Variants in SVEP1 observed in about 807,000 individuals in gnomAD.
SVEP1 encodes sushi, von Willebrand factor type A, EGF and pentraxin domain-containing protein 1.
SVEP1 carries 164 observed loss-of-function variants against 367.3 expected under a neutral mutation model. That is an observed-to-expected ratio of 0.45 (90% CI 0.39 to 0.51). The LOEUF (loss-of-function observed/expected upper bound fraction) is 0.51. Ranked by LOEUF, SVEP1 falls within the 20% of genes least tolerant of loss-of-function variation. The probability of loss-of-function intolerance (pLI) is 0.00; values close to 1 mark genes in which losing one functional copy is unlikely to be tolerated. For synonymous variants in SVEP1, 1,666 were observed against 1,611.6 expected, an observed-to-expected ratio of 1.03 and a Z score of -0.81; for missense variants, 4,117 against 4,425.3, an observed-to-expected ratio of 0.93 and a Z score of 1.98.
Position 110,408,283 on chromosome 9 carries a change from T to G in SVEP1, c.7317A>C (p.Glu2439Asp). 6.2e-7 allele frequency: 1 copy of G among 1,614,014 alleles called. No individual in the cohort carries two copies. The highest frequency in any genetic ancestry group is 8.5e-7 in the Non-Finnish European group (1 of 1,179,892). Residue 2439 changes from glutamate to aspartate, a missense_variant, in exon 38 of 48, where the codon GAA becomes GAC. Glu to Asp is a conservative substitution (Grantham distance 45, BLOSUM62 2). Transcript: ENST00000374469. ...TGGGGATTTCCTCAGGTTGGGGACATTCTACTGGAACACATTCTGGCAGTG... is the reference window on the plus strand; with the variant it reads ...TGGGGATTTCCTCAGGTTGGGGACAGTCTACTGGAACACATTCTGGCAGTG... ...SSPLPECVPVECPQPEEIPNG... is the reference protein window; with the variant it reads ...SSPLPECVPVDCPQPEEIPNG...
chr9:110,470,307 T>C (rs1828996341), intron 16 of SVEP1, among the ~76,000 whole-genome samples: 1 of 152,150 alleles, frequency 6.6e-6, no homozygotes. Flanking sequence ...ATGTACTTCA[T>C]GCCATTGAAT....
chr9:110,521,554 G>A (rs10980425), intron 3 of SVEP1, among the ~76,000 whole-genome samples: 2,408 of 152,176 alleles, frequency 0.016, 25 homozygotes, highest in Non-Finnish European at 0.025. Flanking sequence ...TTATATGTTG[G>A]GGATCAATAT....
At chr9:110,384,440 A>C (rs1472984263) in intron 43 of SVEP1, among the ~76,000 whole-genome samples, 13 of 110,380 alleles carry the variant, frequency 1.2e-4, no homozygotes, top group African/African-American at 2.1e-4. Context: ...TCTCGGTGGG[A>C]GGCTCCGGCC....
chr9:110,414,094 G>A (rs1012069948), intron 36 of SVEP1, among the ~76,000 whole-genome samples: 5 of 152,004 alleles, frequency 3.3e-5, no homozygotes, highest in African/African-American at 1.2e-4. Flanking sequence ...TGAAAGTGAA[G>A]AAGGTTAGAT....
intron 1 of SVEP1, among the ~76,000 whole-genome samples, chr9:110,553,781 G>A (rs1034068075): frequency 2.8e-4 from 42 of 152,124 alleles, no homozygotes; most frequent in Admixed American, 1.6e-3. Context: ...AATGATACGC[G>A]CTTAATAAAT....
At chr9:110,576,229 A>T (rs919363747) in intron 1 of SVEP1, among the ~76,000 whole-genome samples, 3 of 149,426 alleles carry the variant, frequency 2.0e-5, no homozygotes, top group South Asian at 2.1e-4. Flanking sequence ...AGGTAGTCTC[A>T]CACACACACA....
chr9:110,374,946 G>C (rs756759250), intron 46 of SVEP1, among the ~76,000 whole-genome samples: 23 of 133,784 alleles, frequency 1.7e-4, no homozygotes, highest in Non-Finnish European at 3.2e-4. Context: ...ATCAATGGTA[G>C]ACTGGATAAA....
intron 1 of SVEP1, among the ~76,000 whole-genome samples, chr9:110,561,763 A>G (rs913692574): frequency 6.6e-6 from 1 of 152,244 alleles, no homozygotes; most frequent in African/African-American, 2.4e-5. Context: ...CATAAACTGG[A>G]AACAGTATTC....
intron 1 of SVEP1, among the ~76,000 whole-genome samples, chr9:110,566,704 A>C (rs565364969): frequency 6.6e-6 from 1 of 152,360 alleles, no homozygotes; most frequent in African/African-American, 2.4e-5. Flanking sequence ...GCAGAAGAGC[A>C]GAAAAAGAAC....
chr9:110,406,386 T>C lies in SVEP1; in HGVS notation c.9214A>G (p.Asn3072Asp), dbSNP rs771787442. ...GAGCTGGTCTCACTGATGAACGCAT[T>C]TGGTATCATTGGAAGAGAACCACAA... ...TSCGSLPMIP[N>D]AFISETSSWK... The change falls in exon 38 of 48, where the codon AAT becomes GAT. Residue 3072 changes from asparagine to aspartate, a missense_variant. Coordinates refer to ENST00000374469, the MANE Select transcript of SVEP1 (RefSeq NM_153366.4). 1 of 1,614,072 alleles carries C rather than the reference T, an allele frequency of 6.2e-7. No homozygotes were observed.
At position 110,418,873 on chromosome 9, in the gene SVEP1, T is replaced by G. The variant is rs540469191; in HGVS notation, c.5976-7138A>C. 1.8e-3 allele frequency among the ~76,000 whole-genome samples: 225 copies of G among 121,866 alleles called. 30 individuals carry two copies. In the South Asian group the frequency reaches 0.045, roughly 25 times the overall value. The allele number at this position is 121,866 out of a possible 152,430, so 79.9% of individuals were successfully genotyped here. On this transcript the variant is annotated intron_variant, in intron 36 of 47. Coordinates refer to ENST00000374469, the MANE Select transcript of SVEP1 (RefSeq NM_153366.4). ...TTCGTATCAGCCAAACTAAGCTTCA[T>G]AAGTGAAGGAGAAATAAAATACTTT...
intron 18 of SVEP1, among the ~76,000 whole-genome samples, chr9:110,463,226 A>G (rs961368324): frequency 2.0e-5 from 3 of 151,952 alleles, no homozygotes; most frequent in African/African-American, 7.2e-5. Context: ...CAACAACAAC[A>G]ACAACAACAA....
chr9:110,453,806 T>C (rs931797102), intron 22 of SVEP1, among the ~76,000 whole-genome samples: 6 of 151,458 alleles, frequency 4.0e-5, no homozygotes, highest in African/African-American at 1.2e-4. Context: ...GAGGCAGAGG[T>C]TGTAGTGAGC....
chr9:110,395,505 T>C lies in SVEP1; in HGVS notation c.9822+5349A>G, dbSNP rs562421542. 2.6e-5 allele frequency among the ~76,000 whole-genome samples: 4 copies of C among 152,222 alleles called. No homozygotes were observed. The South Asian group carries it at 8.3e-4, about 32-fold the overall frequency. ...AGGATCAAATTCACACATAACAATA[T>C]TAACCTTAAATGTAAATGGGCTAAA... On this transcript the variant is annotated intron_variant, in intron 40 of 47. Transcript: ENST00000374469.
chr9:110,375,489 A>AAC, intron 45 of SVEP1, 26 bp from the exon 46 acceptor site: 1 of 1,362,666 alleles, frequency 7.3e-7, no homozygotes, highest in Non-Finnish European at 1.0e-6. Flanking sequence ...AAAAAAAAAA[A>AAC]AGGAGGCAGG....
intron 16 of SVEP1, among the ~76,000 whole-genome samples, 198 bp downstream of exon 16, chr9:110,471,166 C>T (rs926610392): frequency 1.3e-5 from 2 of 152,138 alleles, no homozygotes; most frequent in Non-Finnish European, 2.9e-5. Flanking sequence ...AGATTTGAGT[C>T]CCTCCCTGAA....
intron 8 of SVEP1, among the ~76,000 whole-genome samples, chr9:110,491,685 G>C (rs1455356161): frequency 7.9e-5 from 12 of 151,562 alleles, no homozygotes; most frequent in Non-Finnish European, 1.5e-4. Flanking sequence ...GGGATACAAA[G>C]AGTAAGTTTA....
At chr9:110,502,894 T>A (rs1321441987) in intron 6 of SVEP1, 144 bp downstream of exon 6, 10 of 727,652 alleles carry the variant, frequency 1.4e-5, no homozygotes, top group Non-Finnish European at 2.1e-5. Context: ...TGTTTTTGTA[T>A]CTGTAACACC....
intron 17 of SVEP1, among the ~76,000 whole-genome samples, chr9:110,466,739 C>T (rs1402980343): frequency 2.0e-3 from 142 of 69,628 alleles, no homozygotes; most frequent in African/African-American, 8.5e-3. Flanking sequence ...CCAGCCTGGG[C>T]GACAGAGCGA....
Sources: gnomAD v4.1 joint callset for allele counts (sites outside exome capture counted in the v4.1 genomes callset) on GRCh38, gnomAD v4.1.1 for gene constraint, MANE v1.5 for transcripts, NCBI Gene and HGNC (gene_info 2026-07-23, HGNC 2026-07-21) for gene names.